The following RABL2A variants were observed in gnomAD, a reference collection of about 807,000 sequenced individuals.
RABL2A encodes rab-like protein 2A.
Under a neutral mutation model 30.7 loss-of-function variants are expected in RABL2A, and 17 were observed. The ratio of observed to expected loss-of-function variants is 0.55; its 90% confidence interval spans 0.38 to 0.83. The LOEUF (loss-of-function observed/expected upper bound fraction) is 0.83. Among genes scored for constraint, RABL2A ranks in the 40% least tolerant of loss-of-function variants. RABL2A has a pLI of 0.00. For missense variants in RABL2A, 155 were observed against 272.6 expected (o/e 0.57, Z 3.04); for synonymous variants, 64 against 101.8 (o/e 0.63, Z 2.24).
chr2:113,631,328 C>G (rs1444584555), intron 2 of RABL2A, among the ~76,000 whole-genome samples: 1 of 152,096 alleles, frequency 6.6e-6, no homozygotes, highest in East Asian at 1.9e-4. Context: ...CATCGTTGTG[C>G]AAAGAGGGCA....
chr2:113,628,268 C>T (rs1271511109), intron 1 of RABL2A: 11 of 295,356 alleles, frequency 3.7e-5, no homozygotes, highest in African/African-American at 2.6e-4. Context: ...TAAAACAGAG[C>T]TAGACATAAT....
At chr2:113,639,159 T>G (rs902783973) in intron 5 of RABL2A, among the ~76,000 whole-genome samples, 12 of 149,200 alleles carry the variant, frequency 8.0e-5, no homozygotes, top group African/African-American at 3.0e-4. Context: ...TGGTGGCATG[T>G]GCCTGTAGTT....
chr2:113,638,541 G>C, intron 5 of RABL2A: 1 of 985,366 alleles, frequency 1.0e-6, no homozygotes, highest in Non-Finnish European at 1.2e-6. Flanking sequence ...GAGCTGGTTT[G>C]CAGTGCTCAT....
chr2:113,641,235 A>G, intron 6 of RABL2A, 118 bp from the exon 7 acceptor site: 2 of 1,535,614 alleles, frequency 1.3e-6, no homozygotes, highest in Non-Finnish European at 1.8e-6. Context: ...TCTTTCTAGG[A>G]CATGTTTCCC....
intron 2 of RABL2A, among the ~76,000 whole-genome samples, chr2:113,629,650 A>G (rs980636065): frequency 6.6e-6 from 1 of 151,460 alleles, no homozygotes; most frequent in Non-Finnish European, 1.5e-5. Flanking sequence ...TTCTCCTGCC[A>G]CAGCCTTGCG....
chr2:113,631,648 T>C (rs1401844422), intron 2 of RABL2A, among the ~76,000 whole-genome samples: 1 of 152,128 alleles, frequency 6.6e-6, no homozygotes, highest in Non-Finnish European at 1.5e-5. Context: ...CTGCAGAACG[T>C]TGGGAGGGAA....
rs1240236513 is a variant in RABL2A, at chr2:113,642,740, A to G, written c.*611A>G. The G allele has an allele frequency of 1.0e-5, 2 of 193,294 alleles. No homozygotes were observed. The highest frequency in any genetic ancestry group is 1.1e-5 in the Non-Finnish European group (1 of 92,794). 12.0% of individuals were successfully genotyped at this position (193,294 alleles called of 1,614,324 possible). A position where few individuals can be genotyped will look rare whatever the true frequency, so the allele number is the denominator to read the frequency against. On this transcript the variant is annotated 3_prime_UTR_variant, in exon 9 of 9. Coordinates refer to ENST00000683472, the MANE Select transcript of RABL2A (RefSeq NM_001306158.2). ...GCTGCAACCTCTGACTCCCTGGTTC[A>G]AACGATTCTCCTGCCTCAGCCTCCC...
chr2:113,642,189 C>T lies in RABL2A; in HGVS notation c.*60C>T. ...AAATACCCTTCCCTTCAACAACTCT[C>T]CAGCTCTGAATGGAGAAACTCTCTA... On this transcript the variant is annotated 3_prime_UTR_variant, in exon 9 of 9. Coordinates refer to ENST00000683472, the MANE Select transcript of RABL2A (RefSeq NM_001306158.2). The T allele has an allele frequency of 6.6e-7, 1 of 1,509,184 alleles. No individual in the cohort carries two copies. Among genetic ancestry groups the T allele is most frequent in the Non-Finnish European group, 8.8e-7 (1 of 1,133,032 alleles). The allele number at this position is 1,509,184 out of a possible 1,614,324, so 93.5% of individuals were successfully genotyped here.
chr2:113,639,103 T>C (rs1684095112), intron 5 of RABL2A, among the ~76,000 whole-genome samples: 3 of 151,770 alleles, frequency 2.0e-5, no homozygotes, highest in South Asian at 2.1e-4. Flanking sequence ...GTTAATATAA[T>C]GAGAGCTTAT....
intron 5 of RABL2A, chr2:113,640,016 AAATT>A (rs1473939227): frequency 2.0e-5 from 3 of 152,114 alleles, no homozygotes; most frequent in African/African-American, 7.2e-5. Flanking sequence ...AAAAAAATAA[AAATT>A]AATGCGTGCG....
chr2:113,632,958 T>C lies in RABL2A; in HGVS notation c.137+14T>C, dbSNP rs752260274. 1 of 1,614,136 alleles carries C rather than the reference T, an allele frequency of 6.2e-7. No individual in the cohort carries two copies. Among genetic ancestry groups the C allele is most frequent in the Admixed American group, 1.7e-5 (1 of 60,010 alleles). Reference sequence around the variant, plus strand: ...CATGGATGGCTTGTATCCTTCAAGGTTTGAAGTACTCCTTGTTCCTGTGGG... The same window carrying C: ...CATGGATGGCTTGTATCCTTCAAGGCTTGAAGTACTCCTTGTTCCTGTGGG... On this transcript the variant is annotated intron_variant, in intron 3 of 8. Coordinates refer to ENST00000683472, the MANE Select transcript of RABL2A (RefSeq NM_001306158.2).
chr2:113,637,802 G>A (rs560478712), intron 5 of RABL2A: 1 of 1,284,808 alleles, frequency 7.8e-7, no homozygotes, highest in South Asian at 1.2e-5. Context: ...TTTTTCTCTT[G>A]GAGTGACTGC....
At chr2:113,627,648 G>A (rs1434376839) in intron 1 of RABL2A, among the ~76,000 whole-genome samples, 1 of 152,248 alleles carries the variant, frequency 6.6e-6, no homozygotes, top group Admixed American at 6.5e-5. Context: ...GTCTTCGCCC[G>A]TAAGCGGTGG....
At chr2:113,639,527 CAA>C (rs751690726) in intron 5 of RABL2A, among the ~76,000 whole-genome samples, 59 of 151,042 alleles carry the variant, frequency 3.9e-4, no homozygotes, top group Non-Finnish European at 5.9e-4. Flanking sequence ...GAGGCTGAGA[CAA>C]GAGAATCGCT....
intron 4 of RABL2A, 175 bp downstream of exon 4, chr2:113,634,407 G>A: frequency 3.9e-6 from 3 of 768,658 alleles, no homozygotes; most frequent in Non-Finnish European, 5.8e-6. Context: ...GGTGGAAGGG[G>A]GCACGCAGGG....
At chr2:113,634,353 G>C in intron 4 of RABL2A, 121 bp downstream of exon 4, 1 of 1,319,464 alleles carries the variant, frequency 7.6e-7, no homozygotes, top group African/African-American at 1.5e-5. Context: ...CCCAGGCAGG[G>C]ACAAGGGGTG....
At chr2:113,639,671 C>A (rs1286184948) in intron 5 of RABL2A, among the ~76,000 whole-genome samples, 1 of 151,604 alleles carries the variant, frequency 6.6e-6, no homozygotes, top group Admixed American at 6.6e-5. Flanking sequence ...GCCTGGCCAA[C>A]ACGGCAAAAC....
At position 113,638,563 on chromosome 2, in the gene RABL2A, A is replaced by G. The variant is rs187510533; in HGVS notation, c.298-2331A>G. On this transcript the variant is annotated intron_variant, in intron 5 of 8. Transcript: ENST00000683472. ...TTTGCAGTGCTCATCCTTCTTGCTG[A>G]TATTTTAAAATAGGTAGAAACAGGC... 21 of 985,218 alleles carry G rather than the reference A, an allele frequency of 2.1e-5. No individual in the cohort carries two copies. In the African/African-American group the frequency reaches 3.3e-4, roughly 16 times the overall value. 61.0% of individuals were successfully genotyped at this position (985,218 alleles called of 1,614,324 possible).
intron 5 of RABL2A, chr2:113,638,484 G>T: frequency 1.0e-6 from 1 of 985,396 alleles, no homozygotes; most frequent in Non-Finnish European, 1.2e-6. Context: ...AGGGCATGAA[G>T]GCTCACTGTA....
Sources: gnomAD v4.1 joint callset for allele counts (sites outside exome capture counted in the v4.1 genomes callset) on GRCh38, gnomAD v4.1.1 for gene constraint, MANE v1.5 for transcripts, NCBI Gene and HGNC (gene_info 2026-07-23, HGNC 2026-07-21) for gene names.